Variants in PPP2R2D observed in about 807,000 individuals in gnomAD.
PPP2R2D encodes the protein protein phosphatase 2 regulatory subunit Bdelta.
In PPP2R2D, 9 loss-of-function variants were observed where a neutral mutation model predicts 31.1. That is an observed-to-expected ratio of 0.29 (90% CI 0.17 to 0.51). The LOEUF (loss-of-function observed/expected upper bound fraction) is 0.51, where lower values mean the gene tolerates loss of function less well. PPP2R2D is among the 20% of genes least tolerant of loss of function. PPP2R2D has a pLI of 0.98. For missense variants in PPP2R2D, 391 were observed against 465.6 expected (o/e 0.84, Z 1.48); for synonymous variants, 179 against 172.6 (o/e 1.04, Z -0.29).
intron 3 of PPP2R2D, chr10:131,934,954 TC>T (rs1554896262): frequency 4.4e-6 from 2 of 456,266 alleles, no homozygotes; most frequent in African/African-American, 2.0e-5. Flanking sequence ...TCTCAGCACT[TC>T]CTGCAGAGAA....
chr10:131,937,468 C>G (rs994987343), intron 3 of PPP2R2D, among the ~76,000 whole-genome samples: 1 of 152,144 alleles, frequency 6.6e-6, no homozygotes, highest in Non-Finnish European at 1.5e-5. Flanking sequence ...CTCTCCTGCC[C>G]GTGTCCCCAT....
downstream of PPP2R2D, among the ~76,000 whole-genome samples, chr10:131,960,936 C>T (rs2036912594): frequency 6.6e-6 from 1 of 152,198 alleles, no homozygotes; most frequent in Admixed American, 6.5e-5. Context: ...TCTGCTCGTC[C>T]TGGGCTGGGC....
In PPP2R2D at chr10:131,939,533, G is replaced by A. The variant is rs1430589038; in HGVS notation, c.199-498G>A. On this transcript the variant is annotated intron_variant, in intron 3 of 8. Coordinates refer to ENST00000455566, the MANE Select transcript of PPP2R2D (RefSeq NM_018461.5). ...CAGAAAACACGGCAGGCTGCATTCG[G>A]CAGACCTGCTCCAGAAAATACGGCA... is the stretch of plus-strand genomic sequence containing the variant. Among the ~76,000 whole-genome samples, 9 of 130,534 alleles carry A rather than the reference G, an allele frequency of 6.9e-5. 1 individual carries two copies. Among genetic ancestry groups the A allele is most frequent in the Admixed American group, 6.8e-4 (9 of 13,328 alleles). The allele number at this position is 130,534 out of a possible 152,430, so 85.6% of individuals were successfully genotyped here.
chr10:131,965,586 AC>A, the PPP2R2D span, among the ~76,000 whole-genome samples: 19 of 152,184 alleles, frequency 1.2e-4, no homozygotes, highest in African/African-American at 4.3e-4. Context: ...AGCTGGGACT[AC>A]AGGTACGCCA....
In PPP2R2D at chr10:131,955,782, C is replaced by CTT; in HGVS notation, c.1181_1182insTT (p.Arg395CysfsTer73). The CTT allele has an allele frequency of 6.3e-7, 1 of 1,592,690 alleles. No homozygotes were observed. Among genetic ancestry groups the CTT allele is most frequent in the Non-Finnish European group, 8.6e-7 (1 of 1,167,176 alleles). On this transcript the variant is annotated frameshift_variant, in exon 9 of 9. Transcript: ENST00000455566. LOFTEE classifies it high-confidence loss of function. ...GAGGCCTCGAGAGAGAGCAGCAAACCGCGCGCCAGCCTCAAACCCCGGAAG... is the reference window on the plus strand; with the variant it reads ...GAGGCCTCGAGAGAGAGCAGCAAACCTTGCGCGCCAGCCTCAAACCCCGGAAG...
chr10:131,936,529 A>T (rs1554896514), intron 3 of PPP2R2D, among the ~76,000 whole-genome samples: 1 of 152,218 alleles, frequency 6.6e-6, no homozygotes, highest in African/African-American at 2.4e-5. Context: ...AAAGTCTGTC[A>T]TTGTAGCGAT....
intron 2 of PPP2R2D, among the ~76,000 whole-genome samples, chr10:131,925,126 C>T (rs1564815433): frequency 6.6e-6 from 1 of 152,156 alleles, no homozygotes; most frequent in Non-Finnish European, 1.5e-5. Flanking sequence ...CCTTTTTAAT[C>T]TGGATGCCTT....
At chr10:131,933,101 G>T (rs1386958046) in intron 2 of PPP2R2D, among the ~76,000 whole-genome samples, 1 of 152,088 alleles carries the variant, frequency 6.6e-6, no homozygotes, top group African/African-American at 2.4e-5. Context: ...TAATAGTGAC[G>T]CTTCTAAGAA....
At chr10:131,938,138 G>A (rs1201223630) in intron 3 of PPP2R2D, among the ~76,000 whole-genome samples, 3 of 152,210 alleles carry the variant, frequency 2.0e-5, no homozygotes, top group Non-Finnish European at 4.4e-5. Flanking sequence ...TCGGTGGAAG[G>A]AATGCCCTGC....
the PPP2R2D span, chr10:131,970,097 T>C: frequency 1.7e-4 from 26 of 153,640 alleles, no homozygotes; most frequent in Middle Eastern, 3.3e-3. The surrounding 1 kb of genome is among the most constrained non-coding windows in gnomAD (Gnocchi z 4.1). Context: ...GAGAGTCGCT[T>C]GAACCCAGGA....
intron 2 of PPP2R2D, among the ~76,000 whole-genome samples, chr10:131,931,448 A>G (rs1387160748): frequency 2.0e-5 from 3 of 152,134 alleles, no homozygotes; most frequent in Non-Finnish European, 4.4e-5. Context: ...CCCTGGTTCA[A>G]GCGATTCTCC....
At chr10:131,924,765 T>G (rs2036069097) in intron 2 of PPP2R2D, among the ~76,000 whole-genome samples, 1 of 152,060 alleles carries the variant, frequency 6.6e-6, no homozygotes, top group Non-Finnish European at 1.5e-5. Flanking sequence ...ACTTTGGAGA[T>G]ACTTTCTTAA....
At chr10:131,907,135 T>A (rs1469053258) in intron 2 of PPP2R2D, among the ~76,000 whole-genome samples, 1 of 152,120 alleles carries the variant, frequency 6.6e-6, no homozygotes, top group African/African-American at 2.4e-5. Context: ...GCAAAACTTG[T>A]CAGTCATATT....
Position 131,956,539 on chromosome 10 carries a change from T to C in PPP2R2D, c.*576T>C. On this transcript the variant is annotated 3_prime_UTR_variant, in exon 9 of 9. Transcript: ENST00000455566. ...TAAAAACAACACACTATAAAGTGTT[T>C]TTAAATCCAAACAGAAGTATTGTCT... is the stretch of plus-strand genomic sequence containing the variant. 1 of 985,492 alleles carries C rather than the reference T, an allele frequency of 1.0e-6. No homozygotes were observed. Among genetic ancestry groups the C allele is most frequent in the African/African-American group, 1.7e-5 (1 of 57,384 alleles). The allele number at this position is 985,492 out of a possible 1,614,324, so 61.0% of individuals were successfully genotyped here. A position where few individuals can be genotyped will look rare whatever the true frequency, so the allele number is the denominator to read the frequency against.
At chr10:131,936,278 C>T (rs539752336) in intron 3 of PPP2R2D, among the ~76,000 whole-genome samples, 3 of 151,682 alleles carry the variant, frequency 2.0e-5, no homozygotes, top group African/African-American at 7.2e-5. Context: ...CCTCCCAAGT[C>T]GCTGGGATTA....
chr10:131,931,765 T>C (rs1348861526), intron 2 of PPP2R2D, among the ~76,000 whole-genome samples: 1 of 152,184 alleles, frequency 6.6e-6, no homozygotes, highest in African/African-American at 2.4e-5. Context: ...GCTGGCAGCT[T>C]CACTGTGGTT....
intron 8 of PPP2R2D, among the ~76,000 whole-genome samples, chr10:131,952,214 C>T (rs1295696194): frequency 3.1e-5 from 1 of 32,110 alleles, no homozygotes; most frequent in East Asian, 3.8e-3. Flanking sequence ...TGCGGGTGTG[C>T]GGGGGGGTTC....
intron 2 of PPP2R2D, among the ~76,000 whole-genome samples, chr10:131,924,215 A>G (rs540085887): frequency 2.0e-5 from 3 of 152,134 alleles, no homozygotes; most frequent in South Asian, 2.1e-4. Context: ...TGCTTTTGGT[A>G]TTATATGTAA....
At position 131,945,214 on chromosome 10, in the gene PPP2R2D, G is replaced by T; in HGVS notation, c.656-81G>T. On this transcript the variant is annotated intron_variant, in intron 6 of 8. Coordinates refer to ENST00000455566, the MANE Select transcript of PPP2R2D (RefSeq NM_018461.5). This position sits in a 1 kb window ranked among gnomAD's most constrained non-coding sequence, Gnocchi z 4.8. ...TAAACCTCACTGCGTGGATTATTTGGCGTCCTATTTCGCGTGACTGAATGT... is the reference window on the plus strand; with the variant it reads ...TAAACCTCACTGCGTGGATTATTTGTCGTCCTATTTCGCGTGACTGAATGT... The T allele has an allele frequency of 1.4e-6, 2 of 1,473,978 alleles. No homozygotes were observed. The highest frequency in any genetic ancestry group is 4.6e-5 in the East Asian group (2 of 43,160). 91.3% of individuals were successfully genotyped at this position (1,473,978 alleles called of 1,614,324 possible).
Sources: gnomAD v4.1 joint callset for allele counts (sites outside exome capture counted in the v4.1 genomes callset) on GRCh38, gnomAD v4.1.1 for gene constraint, Gnocchi (gnomAD v3.1) non-coding constraint, MANE v1.5 for transcripts, NCBI Gene and HGNC (gene_info 2026-07-23, HGNC 2026-07-21) for gene names.